The following PPP2R3B variants were observed in gnomAD, a reference collection of about 807,000 sequenced individuals.
PPP2R3B encodes serine/threonine-protein phosphatase 2A regulatory subunit B'' subunit beta.
In PPP2R3B, 68 loss-of-function variants were observed where a neutral mutation model predicts 72.9. The ratio of observed to expected loss-of-function variants is 0.93; its 90% CI spans 0.77 to 1.14. The LOEUF (loss-of-function observed/expected upper bound fraction) is 1.14. Among genes scored for constraint, PPP2R3B ranks in the 50% most tolerant of loss-of-function variants. The pLI is 0.00. For synonymous variants in PPP2R3B, 466 were observed against 375.8 expected (o/e 1.24, Z -2.78); for missense variants, 1,018 against 842.0 (o/e 1.21, Z -2.59).
intron 1 of PPP2R3B, among the ~76,000 whole-genome samples, chrX:383,706 C>T (rs1291605087): frequency 6.6e-6 from 1 of 151,426 alleles, no homozygotes; most frequent in Non-Finnish European, 1.5e-5. Flanking sequence ...GGCGTGGTGG[C>T]GGGCGCCTGT....
Position 354,720 on chromosome X carries a change from G to A in PPP2R3B, c.510+6685C>T, listed in dbSNP as rs750054156. Among the ~76,000 whole-genome samples, 13 of 152,232 alleles carry A rather than the reference G, an allele frequency of 8.5e-5. No individual in the cohort carries two copies. In the South Asian group the frequency reaches 2.1e-3, roughly 24 times the overall value. The stretch of plus-strand genomic sequence containing the variant: ...GAAAAAATCAGCCAGGTGTGGTGGC[G>A]GGTGCCAGTAGTCACGGCTACTCGG... On this transcript the variant is annotated intron_variant, in intron 2 of 12. Coordinates refer to ENST00000390665, the MANE Select transcript of PPP2R3B (RefSeq NM_013239.5).
chrX:383,824 C>T (rs1446246372), intron 1 of PPP2R3B, among the ~76,000 whole-genome samples: 3 of 109,084 alleles, frequency 2.8e-5, no homozygotes, highest in African/African-American at 7.1e-5. Context: ...GGGGACAGAG[C>T]GAGACTCCGT....
intron 1 of PPP2R3B, among the ~76,000 whole-genome samples, chrX:367,039 A>ACGATTAACCAGGTGTGGTGGAGG (rs2071733011): frequency 6.6e-6 from 1 of 151,058 alleles, no homozygotes; most frequent in African/African-American, 2.5e-5. Context: ...AAAAAAAAAA[A>ACGATTAACCAGGTGTGGTGGAGG]GTGAGATGAA....
At chrX:380,557 G>A (rs1247883206) in intron 1 of PPP2R3B, among the ~76,000 whole-genome samples, 14 of 152,004 alleles carry the variant, frequency 9.2e-5, no homozygotes, top group African/African-American at 3.1e-4. Context: ...AGGCTGGGGC[G>A]GGTGGATCAC....
intron 1 of PPP2R3B, among the ~76,000 whole-genome samples, chrX:370,701 ATCCTGGGCAGCG>A (rs1377877829): frequency 6.6e-6 from 1 of 152,122 alleles, no homozygotes; most frequent in Admixed American, 6.5e-5. Context: ...AGGGAGTGGC[ATCCTGGGCAGCG>A]TCCTGGCCAA....
Position 341,290 on chromosome X carries a change from C to T in PPP2R3B, c.1175+17G>A, listed in dbSNP as rs201658608. The T allele has an allele frequency of 1.2e-6, 2 of 1,612,088 alleles. No homozygotes were observed. Among genetic ancestry groups the T allele is most frequent in the African/African-American group, 2.7e-5 (2 of 75,058 alleles). On this transcript the variant is annotated intron_variant, in intron 9 of 12. Coordinates refer to ENST00000390665, the MANE Select transcript of PPP2R3B (RefSeq NM_013239.5). The stretch of plus-strand genomic sequence containing the variant: ...GCCCCTCCACTGGGACAAACGCATG[C>T]CGCAGCAGGAACCCACCTGGTCGGT...
intron 1 of PPP2R3B, 56 bp from the exon 2 acceptor site, chrX:361,646 T>G (rs2071544060): frequency 6.3e-6 from 10 of 1,595,808 alleles, no homozygotes; most frequent in African/African-American, 4.0e-5. Flanking sequence ...AACGCCTTCT[T>G]CACCCGGACA....
rs192930722 is a variant in PPP2R3B, at chrX:375,439, C to T, written c.324+10929G>A. 5.5e-3 allele frequency among the ~76,000 whole-genome samples: 824 copies of T among 149,724 alleles called. 7 individuals are homozygous for T. Among genetic ancestry groups the T allele is most frequent in the Middle Eastern group, 0.014 (4 of 286 alleles). On this transcript the variant is annotated intron_variant, in intron 1 of 12. Coordinates refer to ENST00000390665, the MANE Select transcript of PPP2R3B (RefSeq NM_013239.5). ...ATGCAAACTCACAGGGCAGAGGTGCCGCCCAGTCACCCACGATGCAGGATG... is the reference window on the plus strand; with the variant it reads ...ATGCAAACTCACAGGGCAGAGGTGCTGCCCAGTCACCCACGATGCAGGATG...
chrX:349,630 C>T (rs990958879), intron 2 of PPP2R3B, among the ~76,000 whole-genome samples: 17 of 152,144 alleles, frequency 1.1e-4, no homozygotes, highest in African/African-American at 2.2e-4. Context: ...TTACCAAATA[C>T]GGGAATTAAT....
chrX:369,945 A>G (rs1462535072), intron 1 of PPP2R3B, among the ~76,000 whole-genome samples: 2 of 152,168 alleles, frequency 1.3e-5, no homozygotes, highest in Admixed American at 6.5e-5. Context: ...ACGCACACTC[A>G]TGGATTCCAG....
Position 347,625 on chromosome X carries a change from G to C in PPP2R3B, c.579C>G (p.Ser193=). Residue 193 remains serine (S), a synonymous_variant, in exon 3 of 13, where the codon TCC becomes TCG. Coordinates refer to ENST00000390665, the MANE Select transcript of PPP2R3B (RefSeq NM_013239.5). ...FYGAGGERTG[S]VSVHKFVAMW... Reference sequence around the variant, plus strand: ...TGGCGACGAACTTGTGGACGGACACGGAGCCCGTGCGCTCCCCGCCGGCGC... The same window carrying C: ...TGGCGACGAACTTGTGGACGGACACCGAGCCCGTGCGCTCCCCGCCGGCGC... The C allele has an allele frequency of 6.3e-7, 1 of 1,578,516 alleles. No homozygotes were observed. Among genetic ancestry groups the C allele is most frequent in the Non-Finnish European group, 8.6e-7 (1 of 1,161,712 alleles).
chrX:359,886 C>A (rs369810993), intron 2 of PPP2R3B: 1 of 504,454 alleles, frequency 2.0e-6, no homozygotes. Context: ...CCTGGACTTA[C>A]CTGAATGTGT....
intron 2 of PPP2R3B, among the ~76,000 whole-genome samples, chrX:357,532 A>C (rs2071461565): frequency 6.6e-6 from 1 of 152,242 alleles, no homozygotes; most frequent in Admixed American, 6.5e-5. Flanking sequence ...TCAAGAAAGG[A>C]ACCGGAAATA....
chrX:369,973 C>G (rs762155686), intron 1 of PPP2R3B, among the ~76,000 whole-genome samples: 2 of 152,296 alleles, frequency 1.3e-5, no homozygotes, highest in Non-Finnish European at 2.9e-5. Flanking sequence ...CCTCGCCCAC[C>G]CAGATGACGG....
At chrX:371,372 C>T (rs761286073) in intron 1 of PPP2R3B, among the ~76,000 whole-genome samples, 5 of 152,296 alleles carry the variant, frequency 3.3e-5, no homozygotes, top group African/African-American at 7.2e-5. Flanking sequence ...GGCCGGCGGT[C>T]GCTGAACGCC....
intron 1 of PPP2R3B, among the ~76,000 whole-genome samples, chrX:374,355 G>A (rs2071943854): frequency 2.6e-5 from 4 of 152,218 alleles, no homozygotes; most frequent in African/African-American, 9.6e-5. Flanking sequence ...AGACATCCCG[G>A]CAGCCCGGCA....
intron 1 of PPP2R3B, among the ~76,000 whole-genome samples, chrX:381,648 G>C (rs1331691514): frequency 2.8e-5 from 4 of 144,160 alleles, no homozygotes; most frequent in Non-Finnish European, 4.5e-5. Context: ...ACCCAGGCTG[G>C]AGTGCAGTGG....
chrX:374,045 C>G (rs1295189928), intron 1 of PPP2R3B: 2 of 152,468 alleles, frequency 1.3e-5, no homozygotes, highest in Admixed American at 6.5e-5. Flanking sequence ...GCAGCCGTCA[C>G]GTGGCTCGCC....
intron 1 of PPP2R3B, among the ~76,000 whole-genome samples, chrX:363,654 GTGCCCACCATCCCACAATGCATCTCCCCA>G (rs2071609666): frequency 1.5e-5 from 1 of 64,640 alleles, no homozygotes; most frequent in African/African-American, 6.2e-5. Flanking sequence ...TCATCTCCCT[GTGCCCACCATCCCACAATGCATCTCCCCA>G]AGCCCGCGAT....
Sources: gnomAD v4.1 joint callset for allele counts (sites outside exome capture counted in the v4.1 genomes callset) on GRCh38, gnomAD v4.1.1 for gene constraint, MANE v1.5 for transcripts, NCBI Gene and HGNC (gene_info 2026-07-23, HGNC 2026-07-21) for gene names.